NOSTRIN: variants seen among roughly 807,000 people sequenced by gnomAD.
The protein encoded by NOSTRIN is BM247 homolog.
In NOSTRIN, 63 loss-of-function variants were observed where a neutral mutation model predicts 59.0. The observed-to-expected ratio is 1.07, with a 90% CI of 0.87 to 1.32. NOSTRIN has a LOEUF of 1.32. Ranked by LOEUF, NOSTRIN falls within the 40% of genes most tolerant of loss-of-function variation. The pLI, the probability that NOSTRIN is intolerant of heterozygous loss-of-function variation, is 0.00. For synonymous variants in NOSTRIN, 200 were observed against 165.4 expected (o/e 1.21, Z -1.61); for missense variants, 512 against 473.1 (o/e 1.08, Z -0.76).
At chr2:168,827,805 C>G (rs1292632568) in intron 3 of NOSTRIN, among the ~76,000 whole-genome samples, 2 of 151,844 alleles carry the variant, frequency 1.3e-5, no homozygotes, top group Non-Finnish European at 2.9e-5. Flanking sequence ...AACCTGTGGC[C>G]TCAAGTGATC....
At chr2:168,842,883 G>A (rs892865092) in intron 7 of NOSTRIN, 109 bp from the exon 8 acceptor site, 13 of 756,670 alleles carry the variant, frequency 1.7e-5, no homozygotes, top group South Asian at 5.2e-5. Flanking sequence ...ATGACTCTAC[G>A]TGAGAGGTGA....
intron 8 of NOSTRIN, 168 bp from the exon 9 acceptor site, chr2:168,850,914 GAC>G: frequency 1.3e-6 from 1 of 799,190 alleles, no homozygotes; most frequent in Non-Finnish European, 2.1e-6. Flanking sequence ...AAGATACCAA[GAC>G]ACATTCCTTC....
intron 2 of NOSTRIN, among the ~76,000 whole-genome samples, chr2:168,791,489 TC>T (rs550190633): frequency 1.4e-4 from 22 of 152,350 alleles, no homozygotes; most frequent in Admixed American, 1.4e-3. Flanking sequence ...TGATTTATAA[TC>T]CTTTGGGTAT....
At chr2:168,850,008 T>C (rs986851663) in intron 8 of NOSTRIN, among the ~76,000 whole-genome samples, 3 of 150,748 alleles carry the variant, frequency 2.0e-5, no homozygotes, top group Admixed American at 6.6e-5. Context: ...CTTCACCTCC[T>C]GGGTTCAGGC....
chr2:168,807,876 T>C (rs1396561873), intron 1 of NOSTRIN, among the ~76,000 whole-genome samples: 1 of 152,216 alleles, frequency 6.6e-6, no homozygotes, highest in Non-Finnish European at 1.5e-5. Flanking sequence ...GAAAATCATC[T>C]TCCAAAATCT....
chr2:168,814,009 T>G (rs1686279327), intron 2 of NOSTRIN, among the ~76,000 whole-genome samples: 1 of 152,210 alleles, frequency 6.6e-6, no homozygotes, highest in Non-Finnish European at 1.5e-5. Flanking sequence ...TGCTCAGCTT[T>G]TAGATCATGT....
chr2:168,860,095 T>C (rs775999062), intron 13 of NOSTRIN, among the ~76,000 whole-genome samples: 1 of 152,222 alleles, frequency 6.6e-6, no homozygotes, highest in African/African-American at 2.4e-5. Flanking sequence ...GGGGGAACTG[T>C]AATCATCTTG....
chr2:168,797,303 C>T (rs2105506241), upstream of NOSTRIN, among the ~76,000 whole-genome samples: 2 of 151,872 alleles, frequency 1.3e-5, no homozygotes, highest in Middle Eastern at 6.8e-3. Context: ...TACCATGTTG[C>T]CCAGGCTGGT....
chr2:168,860,681 AGAAAAAACAAAC>A, intron 13 of NOSTRIN, 102 bp from the exon 14 acceptor site: 1 of 697,550 alleles, frequency 1.4e-6, no homozygotes, highest in East Asian at 2.7e-5. Flanking sequence ...AAAAAAAAAA[AGAAAAAACAAAC>A]AGAAAAAACA....
In NOSTRIN at chr2:168,828,201, T is replaced by A. The variant is rs764505235; in HGVS notation, c.241T>A (p.Ser81Thr). Residue 81 changes from serine to threonine, a missense_variant, in exon 4 of 16, where the codon TCC becomes ACC. Transcript: ENST00000317647. ...GGCCTGGGCCTCAGAGGGAATGAAA[T>A]CCACAGCGGACCTGCATCAGTGAGT... ...AWAWASEGMK[S>T]TADLHQKLGK... 1.1e-6 allele frequency: 1 copy of A among 872,910 alleles called. No homozygotes were observed. The highest frequency in any genetic ancestry group is 2.0e-6 in the Non-Finnish European group (1 of 501,658). 54.1% of individuals were successfully genotyped at this position (872,910 alleles called of 1,614,324 possible). A position where few individuals can be genotyped will look rare whatever the true frequency, so the allele number is the denominator to read the frequency against.
At chr2:168,832,699 A>G (rs1687431137) in intron 6 of NOSTRIN, among the ~76,000 whole-genome samples, 1 of 152,262 alleles carries the variant, frequency 6.6e-6, no homozygotes, top group African/African-American at 2.4e-5. Context: ...ACTTTTATAA[A>G]AAGTAAAGTC....
upstream of NOSTRIN, among the ~76,000 whole-genome samples, chr2:168,800,910 T>A (rs73969955): frequency 0.015 from 2,088 of 137,928 alleles, 56 homozygotes; most frequent in African/African-American, 0.046. Context: ...AAATTTCTTT[T>A]AAAAAAAAAA....
rs116802367 is a variant in NOSTRIN, at chr2:168,843,280, C to T, written c.630+163C>T. Among the ~76,000 whole-genome samples, 686 of 152,290 alleles carry T rather than the reference C, an allele frequency of 4.5e-3. 3 individuals are homozygous for T. The highest frequency in any genetic ancestry group is 0.016 in the African/African-American group (661 of 41,556). The stretch of plus-strand genomic sequence containing the variant: ...ACATTTCCTCTCATTGTTTCAGTTT[C>T]TCCATGGATACAATTACCAGTGACA... On this transcript the variant is annotated intron_variant, in intron 8 of 15. Coordinates refer to ENST00000317647, the MANE Select transcript of NOSTRIN (RefSeq NM_001039724.4).
intron 12 of NOSTRIN, 93 bp from the exon 13 acceptor site, chr2:168,859,419 C>A: frequency 6.5e-7 from 1 of 1,544,028 alleles, no homozygotes; most frequent in South Asian, 1.2e-5. Context: ...ACTTTTCTAA[C>A]CTTTGTTATT....
intron 5 of NOSTRIN, 91 bp downstream of exon 5, chr2:168,828,592 A>G: frequency 1.9e-6 from 1 of 534,974 alleles, no homozygotes; most frequent in Middle Eastern, 2.9e-4. Flanking sequence ...AAGTGGTACC[A>G]AGTTTCAGGA....
intron 1 of NOSTRIN, among the ~76,000 whole-genome samples, chr2:168,805,794 T>C (rs190077853): frequency 1.2e-4 from 18 of 152,294 alleles, no homozygotes; most frequent in Non-Finnish European, 1.8e-4. Context: ...AGACAATGAC[T>C]GTCACTAACT....
At chr2:168,787,692 G>A (rs1179863167) in intron 1 of NOSTRIN, among the ~76,000 whole-genome samples, 2 of 152,210 alleles carry the variant, frequency 1.3e-5, no homozygotes, top group African/African-American at 4.8e-5. Flanking sequence ...ACAGAAAGAG[G>A]AGCTGTGAGA....
chr2:168,861,192 CA>C (rs1689424458), intron 14 of NOSTRIN, among the ~76,000 whole-genome samples: 1 of 152,126 alleles, frequency 6.6e-6, no homozygotes, highest in Non-Finnish European at 1.5e-5. Flanking sequence ...TAAACATAAT[CA>C]CACCTAAACC....
chr2:168,787,111 G>C (rs560194277), intron 1 of NOSTRIN: 3 of 152,144 alleles, frequency 2.0e-5, no homozygotes, highest in Admixed American at 1.3e-4. Flanking sequence ...CTGCTTCTGG[G>C]ATCAGGTAAG....
Sources: gnomAD v4.1 joint callset for allele counts (sites outside exome capture counted in the v4.1 genomes callset) on GRCh38, gnomAD v4.1.1 for gene constraint, MANE v1.5 for transcripts, NCBI Gene and HGNC (gene_info 2026-07-23, HGNC 2026-07-21) for gene names.